SNX17: variants seen among roughly 807,000 people sequenced by gnomAD.
The protein encoded by SNX17 is sorting nexin-17.
A neutral mutation model predicts 64.3 loss-of-function variants in SNX17; 35 were observed. The ratio of observed to expected loss-of-function variants is 0.54; its 90% CI spans 0.42 to 0.72. The LOEUF is 0.72. Among genes scored for constraint, SNX17 ranks in the 30% least tolerant of loss-of-function variants. SNX17 has a pLI of 0.00. For missense variants in SNX17, 538 were observed against 610.0 expected (o/e 0.88, Z 1.24); for synonymous variants, 259 against 230.2 (o/e 1.13, Z -1.13).
At chr2:27,374,463 G>A (rs767579723) in intron 7 of SNX17, 30 bp downstream of exon 7, 1 of 1,573,490 alleles carries the variant, frequency 6.4e-7, no homozygotes, top group Non-Finnish European at 8.7e-7. Context: ...GGGGAGGGGT[G>A]GGAGGTGCTG....
chr2:27,371,570 T>C, intron 2 of SNX17: 1 of 915,754 alleles, frequency 1.1e-6, no homozygotes, highest in Middle Eastern at 2.5e-4. Context: ...TCTGGTTTTC[T>C]GTCCAGTCTT....
At chr2:27,373,437 A>C in intron 4 of SNX17, 126 bp downstream of exon 4, 39 of 919,124 alleles carry the variant, frequency 4.2e-5, no homozygotes, top group Non-Finnish European at 6.1e-5. Flanking sequence ...ATCTCAGCTC[A>C]CTGCAATCTC....
chr2:27,373,947 A>G lies in SNX17; in HGVS notation c.408A>G (p.Ser136=). 6.2e-7 allele frequency: 1 copy of G among 1,614,206 alleles called. No homozygotes were observed. Among genetic ancestry groups the G allele is most frequent in the South Asian group, 1.1e-5 (1 of 91,086 alleles). Reference sequence around the variant, plus strand: ...AAGTTCTGGTCAACGTGCTAACTTCAGATCAGACTGAGGATGTCCTGGAGG... The same window carrying G: ...AAGTTCTGGTCAACGTGCTAACTTCGGATCAGACTGAGGATGTCCTGGAGG... ...GQKVLVNVLT[S]DQTEDVLEAV... Residue 136 remains serine (S), a synonymous_variant, in exon 5 of 15, where the codon TCA becomes TCG. Coordinates refer to ENST00000233575, the MANE Select transcript of SNX17 (RefSeq NM_014748.4).
chr2:27,376,725 A>G lies in SNX17; in HGVS notation c.*6A>G, dbSNP rs750907206. The G allele has an allele frequency of 3.7e-6, 6 of 1,611,024 alleles. No homozygotes were observed. In the African/African-American group the frequency reaches 8.0e-5, roughly 22 times the overall value. On this transcript the variant is annotated 3_prime_UTR_variant, in exon 15 of 15. Coordinates refer to ENST00000233575, the MANE Select transcript of SNX17 (RefSeq NM_014748.4). ...TTGGAGATGAGGATCTGTAATCTCC[A>G]CTGCTTGGATGTCTGCCCTCTACCC...
chr2:27,371,504 G>C, intron 2 of SNX17, 161 bp downstream of exon 2: 1 of 1,371,252 alleles, frequency 7.3e-7, no homozygotes, highest in South Asian at 1.6e-5. Flanking sequence ...ACATTTCCGG[G>C]AACTCCCTAA....
chr2:27,377,208 C>CCATTG lies in SNX17; in HGVS notation c.*491_*495dup. 1 of 496,242 alleles carries CCATTG rather than the reference C, an allele frequency of 2.0e-6. No homozygotes were observed. The highest frequency in any genetic ancestry group is 3.8e-5 in the East Asian group (1 of 26,164). The allele number at this position is 496,242 out of a possible 1,614,324, so 30.7% of individuals were successfully genotyped here. A position where few individuals can be genotyped will look rare whatever the true frequency, so the allele number is the denominator to read the frequency against. On this transcript the variant is annotated 3_prime_UTR_variant, in exon 15 of 15. Transcript: ENST00000233575. This position sits in a 1 kb window ranked among gnomAD's most constrained non-coding sequence, Gnocchi z 4.4. ...GCTAAGGGTAAGGCCAAATTGCCTGCCATTGCCAATTCAGCATAGACATGG... is the reference window on the plus strand; with the variant it reads ...GCTAAGGGTAAGGCCAAATTGCCTGCCATTGCATTGCCAATTCAGCATAGACATGG...
rs1172640258 is a variant in SNX17 at position 27,375,730 on chromosome 2, G to T, written c.978+21G>T. ...CCTCTGTGAGTCGGGTTAGGAGGGGGAAGGGCCTGGGTTGGGGGCCCGGCA... is the reference window on the plus strand; with the variant it reads ...CCTCTGTGAGTCGGGTTAGGAGGGGTAAGGGCCTGGGTTGGGGGCCCGGCA... On this transcript the variant is annotated intron_variant, in intron 10 of 14. Transcript: ENST00000233575. The surrounding 1 kb of genome is among the most constrained non-coding windows in gnomAD (Gnocchi z 4.1). 6.2e-7 allele frequency: 1 copy of T among 1,613,392 alleles called. No individual in the cohort carries two copies. Among genetic ancestry groups the T allele is most frequent in the East Asian group, 2.2e-5 (1 of 44,870 alleles).
chr2:27,370,646 G>T lies in SNX17; in HGVS notation c.-98G>T. ...GATCGCAGGGCTCCCAAAATGGCGA[G>T]TGAGGCTGCGGGGACTCGCTGAGCA... is the stretch of plus-strand genomic sequence containing the variant. On this transcript the variant is annotated 5_prime_UTR_variant, in exon 1 of 15. Transcript: ENST00000233575. 6.8e-7 allele frequency: 1 copy of T among 1,463,644 alleles called. No homozygotes were observed. The highest frequency in any genetic ancestry group is 9.0e-7 in the Non-Finnish European group (1 of 1,105,500). The allele number at this position is 1,463,644 out of a possible 1,614,324, so 90.7% of individuals were successfully genotyped here.
In SNX17 at chr2:27,373,228, T is replaced by C. The variant is rs376932794; in HGVS notation, c.257-19T>C. 12 of 1,613,938 alleles carry C rather than the reference T, an allele frequency of 7.4e-6. No homozygotes were observed. Among genetic ancestry groups the C allele is most frequent in the South Asian group, 1.1e-5 (1 of 91,090 alleles). ...AGTGAGTGCTAAGTTCCTGTAATAATGTTCTCTTGTCCTCGTAGTTCGGCA... is the reference window on the plus strand; with the variant it reads ...AGTGAGTGCTAAGTTCCTGTAATAACGTTCTCTTGTCCTCGTAGTTCGGCA... On this transcript the variant is annotated intron_variant, in intron 3 of 14. Transcript: ENST00000233575.
Position 27,376,689 on chromosome 2 carries a change from C to T in SNX17, c.1383C>T (p.Ala461=), listed in dbSNP as rs773754341. 1.3e-5 allele frequency: 21 copies of T among 1,614,084 alleles called. No individual in the cohort carries two copies. The highest frequency in any genetic ancestry group is 1.7e-5 in the Non-Finnish European group (20 of 1,180,038). Residue 461 remains alanine, a synonymous_variant, in exon 15 of 15, where the codon GCC becomes GCT. Transcript: ENST00000233575. ...CCAGTGATGTCCACGGCAATTTCGC[C>T]TTCGAGGGCATTGGAGATGAGGATC... ...ASASDVHGNF[A]FEGIGDEDL is the part of the protein sequence containing the mutation.
chr2:27,373,672 C>T (rs1682867956), intron 4 of SNX17, among the ~76,000 whole-genome samples, 189 bp from the exon 5 acceptor site: 1 of 152,126 alleles, frequency 6.6e-6, no homozygotes, highest in South Asian at 2.1e-4. Context: ...CAGGCCATGT[C>T]ATCTTAATAA....
Position 27,375,144 on chromosome 2 carries a change from CAAG to C in SNX17, c.769_771del (p.Lys257del). On this transcript the variant is annotated inframe_deletion, in exon 9 of 15. Coordinates refer to ENST00000233575, the MANE Select transcript of SNX17 (RefSeq NM_014748.4). This position sits in a 1 kb window ranked among gnomAD's most constrained non-coding sequence, Gnocchi z 4.1. ...TCAAATCTCTGCAAGAGAAAGTCTC[CAAG>C]AAGGAGGTGAGCCCTGCCTCCTCTC... is the stretch of plus-strand genomic sequence containing the variant. 1 of 1,614,064 alleles carries C rather than the reference CAAG, an allele frequency of 6.2e-7. No individual in the cohort carries two copies. The highest frequency in any genetic ancestry group is 8.5e-7 in the Non-Finnish European group (1 of 1,179,986).
In SNX17 at chr2:27,374,677, T is replaced by C. The variant is rs1483903834; in HGVS notation, c.612-12T>C. 1.9e-6 allele frequency: 3 copies of C among 1,614,008 alleles called. No homozygotes were observed. Among genetic ancestry groups the C allele is most frequent in the Non-Finnish European group, 1.7e-6 (2 of 1,179,890 alleles). ...TAGCCCCATTACCCCTTTCCACCCC[T>C]TGGCCTCACAGTTATTGGGACTCTG... On this transcript the variant is annotated splice_polypyrimidine_tract_variant and intron_variant, in intron 7 of 14. Transcript: ENST00000233575.
Position 27,375,381 on chromosome 2 carries a change from GTCTGCC to G in SNX17, c.775-116_775-111del. 2.0e-6 allele frequency: 2 copies of G among 1,012,898 alleles called. No individual in the cohort carries two copies. Among genetic ancestry groups the G allele is most frequent in the Non-Finnish European group, 3.0e-6 (2 of 673,954 alleles). The allele number at this position is 1,012,898 out of a possible 1,614,324, so 62.7% of individuals were successfully genotyped here. On this transcript the variant is annotated intron_variant, in intron 9 of 14. Transcript: ENST00000233575. This position sits in a 1 kb window ranked among gnomAD's most constrained non-coding sequence, Gnocchi z 4.1. ...TCTTGAGCTCCTGACCTTGTGATCT[GTCTGCC>G]TCTGCCTCCTAAAGTGCTGGGATTA... is the stretch of plus-strand genomic sequence containing the variant.
rs776206174 is a variant in SNX17 at position 27,372,632 on chromosome 2, G to A, written c.148G>A (p.Glu50Lys). ...CTCTTTCTCTAAATAGCTTCGGAAG[G>A]AGTATGGGGCCAATGTGCTTCCTGC... is the stretch of plus-strand genomic sequence containing the variant. ...LLGLHEQLRK[E>K]YGANVLPAFP... Residue 50 changes from glutamate (E) to lysine (K), a missense_variant, in exon 3 of 15, where the codon GAG becomes AAG. By Grantham distance (56) the Glu-to-Lys change is moderately conservative (BLOSUM62 1). Around this residue, in one of 3 missense-constraint regions of SNX17, gnomAD observed 505 missense variants for 550.4 expected, o/e 0.92. Transcript: ENST00000233575. The A allele has an allele frequency of 6.2e-7, 1 of 1,614,232 alleles. No individual in the cohort carries two copies. Among genetic ancestry groups the A allele is most frequent in the South Asian group, 1.1e-5 (1 of 91,084 alleles).
rs372149489 is a variant in SNX17, at chr2:27,370,791, C to T, written c.48C>T (p.Gly16=). 8.4e-4 allele frequency: 1,301 copies of T among 1,545,438 alleles called. 3 individuals are homozygous for T. The highest frequency in any genetic ancestry group is 9.8e-4 in the Non-Finnish European group (1,121 of 1,146,382). ...CCGAGTCCCGCAGCGGGGACAGCGG[C>T]GGCTCCGCCTACGTGGTGAGGAGCG... is the stretch of plus-strand genomic sequence containing the variant. ...PETESRSGDS[G]GSAYVAYNIH... The change falls in exon 1 of 15, where the codon GGC becomes GGT. Residue 16 remains glycine, a synonymous_variant. Coordinates refer to ENST00000233575, the MANE Select transcript of SNX17 (RefSeq NM_014748.4).
intron 4 of SNX17, 116 bp downstream of exon 4, chr2:27,373,427 A>G (rs1436074866): frequency 9.8e-7 from 1 of 1,022,886 alleles, no homozygotes; most frequent in East Asian, 2.6e-5. Context: ...CAGTGGTGCG[A>G]TCTCAGCTCA....
chr2:27,376,248 G>A (rs1219445960), intron 12 of SNX17, 65 bp downstream of exon 12: 1 of 1,612,970 alleles, frequency 6.2e-7, no homozygotes, highest in African/African-American at 1.3e-5. Context: ...TCCTAGATGT[G>A]AGGCTTGTCT....
chr2:27,372,708 G>A lies in SNX17; in HGVS notation c.224G>A (p.Arg75Lys). 6.2e-7 allele frequency: 1 copy of A among 1,614,198 alleles called. No individual in the cohort carries two copies. The highest frequency in any genetic ancestry group is 8.5e-7 in the Non-Finnish European group (1 of 1,180,030). ...CTGACTCCTGCTGAGGTAGAACAGA[G>A]GAGAGAGCAGTTAGAGAAGTACATG... ...FSLTPAEVEQ[R>K]REQLEKYMQA... is the part of the protein sequence containing the mutation. Residue 75 changes from arginine (R) to lysine (K), a missense_variant, in exon 3 of 15, where the codon AGG becomes AAG. Transcript: ENST00000233575.
Sources: allele counts gnomAD v4.1 joint callset (sites outside exome capture counted in the v4.1 genomes callset), GRCh38; gene constraint gnomAD v4.1.1; regional missense constraint gnomAD v4.1.1; non-coding constraint Gnocchi (gnomAD v3.1); transcripts MANE v1.5; gene names NCBI Gene and HGNC (gene_info 2026-07-23, HGNC 2026-07-21).